The following EPHB1 variants were observed in gnomAD, a reference collection of about 807,000 sequenced individuals.
EPHB1 encodes the protein EPH receptor B1.
A neutral mutation model predicts 94.4 loss-of-function variants in EPHB1; 30 were observed. That is an observed-to-expected ratio of 0.32 (90% CI 0.24 to 0.43). The LOEUF (loss-of-function observed/expected upper bound fraction) is 0.43. Among genes scored for constraint, EPHB1 ranks in the 20% least tolerant of loss-of-function variants. The pLI, the probability that EPHB1 is intolerant of heterozygous loss-of-function variation, is 1.00. For synonymous variants in EPHB1, 522 were observed against 489.1 expected (o/e 1.07, Z -0.89); for missense variants, 1,055 against 1,308.3 (o/e 0.81, Z 2.99).
chr3:134,947,208 T>C (rs2039231706), intron 2 of EPHB1, among the ~76,000 whole-genome samples: 1 of 152,184 alleles, frequency 6.6e-6, no homozygotes, highest in African/African-American at 2.4e-5. Context: ...GGTATAAATA[T>C]AAAGCAATGA....
chr3:135,004,324 AT>A (rs1935304306), intron 3 of EPHB1, among the ~76,000 whole-genome samples: 1 of 151,222 alleles, frequency 6.6e-6, no homozygotes, highest in Non-Finnish European at 1.5e-5. Flanking sequence ...CTGCCGAGAG[AT>A]CTGCTGTTAG....
chr3:135,157,060 G>A (rs1941376594), intron 6 of EPHB1, among the ~76,000 whole-genome samples: 1 of 152,224 alleles, frequency 6.6e-6, no homozygotes, highest in African/African-American at 2.4e-5. Flanking sequence ...TCACATGCCA[G>A]TGTGGTAAAT....
intron 3 of EPHB1, among the ~76,000 whole-genome samples, chr3:134,952,486 G>A (rs1933075835): frequency 6.6e-6 from 1 of 152,050 alleles, no homozygotes; most frequent in South Asian, 2.1e-4. Flanking sequence ...TCACTGAAGG[G>A]TAATTGAGAA....
intron 3 of EPHB1, among the ~76,000 whole-genome samples, chr3:135,076,234 GATATATAT>G (rs60727518): frequency 0.084 from 11,026 of 131,112 alleles, 718 homozygotes; most frequent in African/African-American, 0.18. Flanking sequence ...TCTGAAAAGG[GATATATAT>G]ATATATATAT....
At chr3:134,979,476 A>G (rs559306621) in intron 3 of EPHB1, among the ~76,000 whole-genome samples, 5 of 152,328 alleles carry the variant, frequency 3.3e-5, no homozygotes, top group Non-Finnish European at 7.3e-5. Flanking sequence ...TCAAGAAGAC[A>G]TTTTAGAAAG....
intron 3 of EPHB1, among the ~76,000 whole-genome samples, chr3:134,953,400 G>T (rs1933115692): frequency 6.6e-6 from 1 of 152,222 alleles, no homozygotes; most frequent in African/African-American, 2.4e-5. Flanking sequence ...CGGATTGTGT[G>T]GAAACAAAGG....
intron 13 of EPHB1, among the ~76,000 whole-genome samples, chr3:135,245,257 C>G (rs556217064): frequency 6.6e-5 from 10 of 152,262 alleles, no homozygotes; most frequent in Non-Finnish European, 1.5e-4. Context: ...TTGTAACAAT[C>G]TCATCTGTGA....
rs185896690 is a variant in EPHB1, at chr3:135,258,960, G to A, written c.2847-52G>A. On this transcript the variant is annotated intron_variant, in intron 15 of 15. Coordinates refer to ENST00000398015, the MANE Select transcript of EPHB1 (RefSeq NM_004441.5). Reference sequence around the variant, plus strand: ...GCTTTAGTGATGAGTTTTGATCTGCGAAAAGCTAACCTAACACTAAAGTGA... The same window carrying A: ...GCTTTAGTGATGAGTTTTGATCTGCAAAAAGCTAACCTAACACTAAAGTGA... The A allele has an allele frequency of 1.5e-5, 21 of 1,422,450 alleles. No individual in the cohort carries two copies. In the East Asian group the frequency reaches 2.9e-4, roughly 20 times the overall value. The allele number at this position is 1,422,450 out of a possible 1,614,324, so 88.1% of individuals were successfully genotyped here.
intron 12 of EPHB1, among the ~76,000 whole-genome samples, chr3:135,213,923 G>A (rs899575653): frequency 1.3e-5 from 2 of 152,074 alleles, no homozygotes; most frequent in African/African-American, 4.8e-5. Context: ...CTCTCTGCAG[G>A]CCTCCCTGTA....
chr3:135,178,107 T>G (rs1942035392), intron 9 of EPHB1, among the ~76,000 whole-genome samples: 1 of 152,206 alleles, frequency 6.6e-6, no homozygotes, highest in Non-Finnish European at 1.5e-5. Flanking sequence ...ATAACTCATC[T>G]TTCAGAAAAA....
chr3:134,995,457 A>G (rs1934958623), intron 3 of EPHB1, among the ~76,000 whole-genome samples: 1 of 152,294 alleles, frequency 6.6e-6, no homozygotes, highest in East Asian at 1.9e-4. Context: ...TATAACATTC[A>G]TGTACATGTT....
intron 3 of EPHB1, among the ~76,000 whole-genome samples, chr3:135,103,621 C>A (rs1487685069): frequency 6.6e-6 from 1 of 152,186 alleles, no homozygotes. Flanking sequence ...TGCAGATGAG[C>A]AAATTGAGGC....
chr3:134,906,598 C>T (rs952273061), intron 1 of EPHB1, among the ~76,000 whole-genome samples: 1 of 152,216 alleles, frequency 6.6e-6, no homozygotes, highest in African/African-American at 2.4e-5. Flanking sequence ...TGGGCCAAAT[C>T]CAGCCTATAG....
chr3:134,895,469 C>CT (rs2038069846), intron 1 of EPHB1, among the ~76,000 whole-genome samples: 1 of 152,192 alleles, frequency 6.6e-6, no homozygotes, highest in African/African-American at 2.4e-5. Flanking sequence ...AGAATCATCT[C>CT]TGTTACCAAT....
intron 12 of EPHB1, among the ~76,000 whole-genome samples, chr3:135,211,753 G>C (rs1367006338): frequency 6.6e-6 from 1 of 152,060 alleles, no homozygotes; most frequent in African/African-American, 2.4e-5. Flanking sequence ...TTCTCTGGCT[G>C]CTTCCAAGAT....
At chr3:134,941,448 C>A (rs1457278950) in intron 2 of EPHB1, among the ~76,000 whole-genome samples, 2 of 150,258 alleles carry the variant, frequency 1.3e-5, no homozygotes, top group African/African-American at 4.9e-5. Flanking sequence ...TCTTTAGAGG[C>A]ACAGAGTGGA....
chr3:135,213,713 C>T (rs1490155317), intron 12 of EPHB1, among the ~76,000 whole-genome samples: 1 of 152,226 alleles, frequency 6.6e-6, no homozygotes, highest in Non-Finnish European at 1.5e-5. Flanking sequence ...AAATCAAAAG[C>T]TCTATTTCAG....
intron 1 of EPHB1, among the ~76,000 whole-genome samples, chr3:134,869,961 C>T (rs1406306664): frequency 6.6e-6 from 1 of 152,170 alleles, no homozygotes; most frequent in African/African-American, 2.4e-5. Context: ...ATGGGGCACA[C>T]ATGCAAGGCT....
chr3:135,019,032 C>T (rs1446975338), intron 3 of EPHB1, among the ~76,000 whole-genome samples: 4 of 152,078 alleles, frequency 2.6e-5, no homozygotes, highest in Admixed American at 6.5e-5. Context: ...GTGAGCACCA[C>T]GTGTTCAGTG....
Sources: allele counts gnomAD v4.1 joint callset (sites outside exome capture counted in the v4.1 genomes callset), GRCh38; gene constraint gnomAD v4.1.1; transcripts MANE v1.5; gene names NCBI Gene and HGNC (gene_info 2026-07-23, HGNC 2026-07-21).